Variants in XKR9 observed in about 807,000 individuals in gnomAD.
XKR9 encodes XK related 9, also known as XK-related protein 9.
A neutral mutation model predicts 32.0 loss-of-function variants in XKR9; 32 were observed. The ratio of observed to expected loss-of-function variants is 1.00; its 90% CI spans 0.76 to 1.34. XKR9 has a LOEUF of 1.34. Ranked by LOEUF, XKR9 falls within the 40% of genes most tolerant of loss-of-function variation. The pLI, the probability that XKR9 is intolerant of heterozygous loss-of-function variation, is 0.00. For missense variants in XKR9, 546 were observed against 429.7 expected (o/e 1.27, Z -2.39); for synonymous variants, 168 against 143.4 (o/e 1.17, Z -1.22).
chr8:70,982,968 CG>C, the XKR9 span, among the ~76,000 whole-genome samples: 1 of 152,134 alleles, frequency 6.6e-6, no homozygotes, highest in South Asian at 2.1e-4. Flanking sequence ...ACAGCCTGCA[CG>C]TTAGGTTGTC....
intron 2 of XKR9, among the ~76,000 whole-genome samples, chr8:70,766,812 G>A (rs1207113560): frequency 1.3e-5 from 2 of 152,210 alleles, no homozygotes; most frequent in Non-Finnish European, 2.9e-5. Context: ...ATGAAGGGGT[G>A]TTGAAGTTTA....
chr8:70,970,639 G>A, the XKR9 span, among the ~76,000 whole-genome samples: 5 of 152,142 alleles, frequency 3.3e-5, no homozygotes, highest in East Asian at 9.6e-4. Flanking sequence ...CCCTGCAAAG[G>A]ACATGAACTC....
At chr8:71,047,826 G>A in the XKR9 span, among the ~76,000 whole-genome samples, 1 of 152,132 alleles carries the variant, frequency 6.6e-6, no homozygotes, top group South Asian at 2.1e-4. Context: ...ATGACTATTT[G>A]TATGCGGAAA....
chr8:70,750,809 T>C (rs1222439686), intron 2 of XKR9, among the ~76,000 whole-genome samples: 3 of 152,238 alleles, frequency 2.0e-5, no homozygotes, highest in Non-Finnish European at 4.4e-5. Flanking sequence ...CTTTCTGTGA[T>C]GGTTAATTTT....
rs1340055514 is a variant in XKR9, at chr8:70,746,368, T to C, written n.352+39215T>C. On this transcript the variant is annotated intron_variant and non_coding_transcript_variant, in intron 2 of 3. Transcript: ENST00000520273. ...ATATAGAATATAAAGAATATAATTA[T>C]ATATAATATAAAATATAATTATATA... Among the ~76,000 whole-genome samples, 5 of 147,656 alleles carry C rather than the reference T, an allele frequency of 3.4e-5. No homozygotes were observed. In the East Asian group the frequency reaches 9.7e-4, roughly 29 times the overall value.
chr8:70,972,833 G>A, the XKR9 span, among the ~76,000 whole-genome samples: 14 of 152,090 alleles, frequency 9.2e-5, 1 homozygote, highest in South Asian at 1.9e-3. Context: ...ATGGTGGATC[G>A]TCTTTTTGAT....
the XKR9 span, among the ~76,000 whole-genome samples, chr8:70,842,770 C>A: frequency 6.6e-6 from 1 of 152,218 alleles, no homozygotes; most frequent in Non-Finnish European, 1.5e-5. Context: ...TATTTACTAG[C>A]TGAAACAGGG....
At chr8:71,038,324 G>GTTTT in the XKR9 span, among the ~76,000 whole-genome samples, 1 of 78,168 alleles carries the variant, frequency 1.3e-5, no homozygotes, top group African/African-American at 4.8e-5. Context: ...TTTCCTCTTT[G>GTTTT]TTTTTTTTTT....
At chr8:70,799,111 T>C in the XKR9 span, among the ~76,000 whole-genome samples, 1 of 152,200 alleles carries the variant, frequency 6.6e-6, no homozygotes, top group African/African-American at 2.4e-5. Flanking sequence ...TTGATAGGAA[T>C]AGCATTGAAT....
chr8:70,751,996 C>T lies in XKR9; in HGVS notation n.353-37343C>T, dbSNP rs575440799. ...TATTGGTTCTGTTTCTGTGGAGAAC[C>T]CTGACTAATACATTTGTGTAAGCCA... On this transcript the variant is annotated intron_variant and non_coding_transcript_variant, in intron 2 of 3. Transcript: ENST00000520273. Among the ~76,000 whole-genome samples the T allele has an allele frequency of 6.6e-5, 10 of 152,214 alleles. No homozygotes were observed. In the East Asian group the frequency reaches 1.7e-3, roughly 26 times the overall value.
chr8:70,935,989 C>T, the XKR9 span, among the ~76,000 whole-genome samples: 1 of 151,834 alleles, frequency 6.6e-6, no homozygotes, highest in Non-Finnish European at 1.5e-5. Context: ...CACTAGTATT[C>T]TCATAAACTA....
chr8:70,865,311 C>T, the XKR9 span, among the ~76,000 whole-genome samples: 1 of 150,732 alleles, frequency 6.6e-6, no homozygotes, highest in Non-Finnish European at 1.5e-5. Context: ...TTAAATGCTT[C>T]CTGAAGCTGA....
In XKR9 at chr8:70,688,421, A is replaced by AT. The variant is rs561074619; in HGVS notation, c.272+7104dup. 9.3e-3 allele frequency among the ~76,000 whole-genome samples: 1,352 copies of AT among 144,998 alleles called. 6 individuals carry two copies. Among genetic ancestry groups the AT allele is most frequent in the Non-Finnish European group, 9.7e-3 (638 of 65,768 alleles). On this transcript the variant is annotated intron_variant, in intron 3 of 4. Transcript: ENST00000408926. Reference sequence around the variant, plus strand: ...TATGGCATATGAATACACAGGCCACATTTTTTTTTTTTTGGGATGGAGTCT... The same window carrying AT: ...TATGGCATATGAATACACAGGCCACATTTTTTTTTTTTTTGGGATGGAGTCT...
At chr8:70,755,920 TA>T (rs933767656) in intron 2 of XKR9, among the ~76,000 whole-genome samples, 19 of 151,706 alleles carry the variant, frequency 1.3e-4, no homozygotes, top group Non-Finnish European at 2.4e-4. Flanking sequence ...TAATAATAAT[TA>T]AAAAAAAGAT....
At chr8:70,715,256 T>G (rs116687883) in intron 4 of XKR9, among the ~76,000 whole-genome samples, 1,798 of 152,306 alleles carry the variant, frequency 0.012, 34 homozygotes, top group African/African-American at 0.039. Context: ...CTCAACTTAG[T>G]TTCCCTTAGC....
At chr8:70,802,841 C>G in the XKR9 span, among the ~76,000 whole-genome samples, 1 of 152,226 alleles carries the variant, frequency 6.6e-6, no homozygotes, top group Non-Finnish European at 1.5e-5. Flanking sequence ...CTGATGGGCT[C>G]CCTTGTAGGC....
At chr8:70,945,282 C>T in the XKR9 span, among the ~76,000 whole-genome samples, 1 of 152,168 alleles carries the variant, frequency 6.6e-6, no homozygotes, top group Non-Finnish European at 1.5e-5. Flanking sequence ...TAATTAATAG[C>T]AAGACCTTGG....
At chr8:70,753,019 G>A (rs1052116161) in intron 2 of XKR9, among the ~76,000 whole-genome samples, 12 of 152,120 alleles carry the variant, frequency 7.9e-5, no homozygotes, top group African/African-American at 2.7e-4. Flanking sequence ...TAGACCGCTA[G>A]CAAGACTAAT....
At chr8:70,730,184 G>A (rs1806615692) in intron 4 of XKR9, among the ~76,000 whole-genome samples, 2 of 151,818 alleles carry the variant, frequency 1.3e-5, no homozygotes, top group African/African-American at 4.8e-5. Flanking sequence ...TTTACCCAAA[G>A]GGGCAAAAAA....
Sources: gnomAD v4.1 joint callset for allele counts (sites outside exome capture counted in the v4.1 genomes callset) on GRCh38, gnomAD v4.1.1 for gene constraint, MANE v1.5 for transcripts, NCBI Gene and HGNC (gene_info 2026-07-23, HGNC 2026-07-21) for gene names.